Variants in SPATA16 observed in about 807,000 individuals in gnomAD.
The protein encoded by SPATA16 is spermatogenesis associated 16, also known as spermatogenesis-associated protein 16.
SPATA16 carries 36 observed loss-of-function variants against 63.3 expected under a neutral mutation model. That is an observed-to-expected ratio of 0.57 (90% CI 0.44 to 0.75). SPATA16 has a LOEUF of 0.75. SPATA16 is among the 30% of genes least tolerant of loss of function. The pLI is 0.00. For synonymous variants in SPATA16, 203 were observed against 216.7 expected (o/e 0.94, Z 0.56); for missense variants, 646 against 679.3 (o/e 0.95, Z 0.54).
At chr3:173,029,779 AT>A (rs1735559150) in intron 3 of SPATA16, among the ~76,000 whole-genome samples, 1 of 151,880 alleles carries the variant, frequency 6.6e-6, no homozygotes, top group African/African-American at 2.4e-5. Flanking sequence ...ATAGGGATAG[AT>A]TTTTATTTTT....
intron 2 of SPATA16, among the ~76,000 whole-genome samples, chr3:173,067,141 A>C (rs1736540224): frequency 6.6e-6 from 1 of 152,110 alleles, no homozygotes; most frequent in Non-Finnish European, 1.5e-5. Context: ...AAAGAATAAA[A>C]ATGAATGAAG....
intron 2 of SPATA16, among the ~76,000 whole-genome samples, chr3:173,092,034 G>A (rs1393714251): frequency 6.6e-6 from 1 of 152,156 alleles, no homozygotes; most frequent in African/African-American, 2.4e-5. Context: ...TAAGCTTGAA[G>A]TTCCTCTCCT....
chr3:173,111,792 G>T (rs1737755774), intron 2 of SPATA16, among the ~76,000 whole-genome samples: 1 of 152,138 alleles, frequency 6.6e-6, no homozygotes, highest in Admixed American at 6.5e-5. Flanking sequence ...CTCATAAGAA[G>T]GTCCTGGTGT....
At chr3:172,960,309 G>A (rs1315364090) in intron 5 of SPATA16, among the ~76,000 whole-genome samples, 1 of 152,206 alleles carries the variant, frequency 6.6e-6, no homozygotes, top group Non-Finnish European at 1.5e-5. Flanking sequence ...TGTTGCACGT[G>A]TGCAGAAAAT....
chr3:172,995,992 C>G (rs1734684604), intron 4 of SPATA16, among the ~76,000 whole-genome samples: 1 of 152,000 alleles, frequency 6.6e-6, no homozygotes, highest in Non-Finnish European at 1.5e-5. Context: ...GTTCAAGTAT[C>G]CAATTTAGTT....
chr3:172,979,292 T>C (rs6810290), intron 4 of SPATA16, among the ~76,000 whole-genome samples: 93,922 of 151,972 alleles, frequency 0.62, 29,476 homozygotes, highest in African/African-American at 0.71. Flanking sequence ...CCAGCCACAG[T>C]GCCCCTTGGA....
intron 10 of SPATA16, among the ~76,000 whole-genome samples, chr3:172,901,203 AT>A (rs1732119528): frequency 6.6e-6 from 1 of 151,788 alleles, no homozygotes; most frequent in Non-Finnish European, 1.5e-5. Context: ...ACATCAGATA[AT>A]TCTTCTTTTT....
chr3:172,972,036 C>T (rs1734058476), intron 5 of SPATA16, among the ~76,000 whole-genome samples: 2 of 152,128 alleles, frequency 1.3e-5, no homozygotes, highest in African/African-American at 4.8e-5. Flanking sequence ...CTCAGTTCAG[C>T]CAGCTCCCAG....
intron 2 of SPATA16, among the ~76,000 whole-genome samples, chr3:173,114,295 A>T (rs1247167348): frequency 6.6e-6 from 1 of 152,078 alleles, no homozygotes; most frequent in Non-Finnish European, 1.5e-5. Flanking sequence ...CAGTAACAGA[A>T]CTTCAGAATG....
intron 10 of SPATA16, 106 bp downstream of exon 10, chr3:172,913,551 AAAAC>A (rs1331856695): frequency 1.1e-5 from 12 of 1,094,676 alleles, no homozygotes; most frequent in Admixed American, 1.1e-4. Context: ...GGAAAACAAA[AAAAC>A]AAACCAAAGA....
chr3:173,032,237 A>C (rs1735622174), intron 3 of SPATA16, among the ~76,000 whole-genome samples: 4 of 152,086 alleles, frequency 2.6e-5, no homozygotes, highest in Admixed American at 6.6e-5. Flanking sequence ...AAAAATATTA[A>C]ATTATTGAAT....
intron 4 of SPATA16, among the ~76,000 whole-genome samples, chr3:172,988,017 C>T (rs940330996): frequency 5.9e-5 from 9 of 152,124 alleles, no homozygotes; most frequent in African/African-American, 2.2e-4. Flanking sequence ...GCAACTCAAC[C>T]ACAGTCATAA....
intron 2 of SPATA16, among the ~76,000 whole-genome samples, chr3:173,090,333 C>T (rs1265723239): frequency 5.3e-5 from 8 of 152,094 alleles, no homozygotes; most frequent in South Asian, 2.1e-4. Context: ...TGTAAGCTTC[C>T]AGAGGCTTCC....
intron 2 of SPATA16, among the ~76,000 whole-genome samples, chr3:173,085,502 A>T (rs1737028429): frequency 6.7e-6 from 1 of 148,946 alleles, no homozygotes; most frequent in African/African-American, 2.5e-5. Flanking sequence ...AATATGCTTT[A>T]TTTTTTTTTT....
intron 5 of SPATA16, among the ~76,000 whole-genome samples, chr3:172,961,981 C>T (rs1577108402): frequency 1.3e-5 from 2 of 151,854 alleles, no homozygotes; most frequent in East Asian, 1.9e-4. Context: ...CAGCCAGGCA[C>T]GATCCTCACG....
chr3:172,955,267 A>G (rs1453955592), intron 6 of SPATA16, among the ~76,000 whole-genome samples: 3 of 152,190 alleles, frequency 2.0e-5, no homozygotes, highest in Non-Finnish European at 4.4e-5. Context: ...GATCTCCTCA[A>G]TGAATCTCTC....
chr3:173,067,337 T>C (rs997893614), intron 2 of SPATA16, among the ~76,000 whole-genome samples: 3 of 152,094 alleles, frequency 2.0e-5, no homozygotes, highest in Non-Finnish European at 4.4e-5. Flanking sequence ...CGAATTAATG[T>C]GGGAACAGAA....
chr3:173,067,044 A>T (rs539406466), intron 2 of SPATA16, among the ~76,000 whole-genome samples: 292 of 152,238 alleles, frequency 1.9e-3, no homozygotes, highest in African/African-American at 6.7e-3. Flanking sequence ...GGAATTTCTC[A>T]ATACCAAAAT....
At chr3:173,109,141 C>T (rs1450807740) in intron 2 of SPATA16, among the ~76,000 whole-genome samples, 4 of 152,146 alleles carry the variant, frequency 2.6e-5, no homozygotes, top group Admixed American at 2.6e-4. Flanking sequence ...CTACTACCAT[C>T]TAAGTAATGG....
Sources: allele counts gnomAD v4.1 joint callset (sites outside exome capture counted in the v4.1 genomes callset), GRCh38; gene constraint gnomAD v4.1.1; transcripts MANE v1.5; gene names NCBI Gene and HGNC (gene_info 2026-07-23, HGNC 2026-07-21).